TMEM123: variants seen among roughly 807,000 people sequenced by gnomAD.
TMEM123 encodes porimin.
In TMEM123, 16 loss-of-function variants were observed where a neutral mutation model predicts 19.7. The observed-to-expected ratio is 0.81, with a 90% CI of 0.55 to 1.23. The LOEUF (loss-of-function observed/expected upper bound fraction) is 1.23, where lower values mean the gene tolerates loss of function less well. Among genes scored for constraint, TMEM123 ranks in the 50% most tolerant of loss-of-function variants. The pLI is 0.00. For missense variants in TMEM123, 313 were observed against 257.8 expected (o/e 1.21, Z -1.47); for synonymous variants, 118 against 99.4 (o/e 1.19, Z -1.12).
At chr11:102,450,944 T>C (rs75093003) in intron 1 of TMEM123, among the ~76,000 whole-genome samples, 6,815 of 152,342 alleles carry the variant, frequency 0.045, 214 homozygotes, top group Non-Finnish European at 0.073. Flanking sequence ...TTACTAGCTT[T>C]TTTGAGAAAT....
At position 102,426,404 on chromosome 11, in the gene TMEM123, G is replaced by C. The variant is rs539501794; in HGVS notation, c.157+22408C>G. ...TAATAGAAGGGAGCCGATGCAGACA[G>C]CACTTTTACGCCCGCATCACAATTC... On this transcript the variant is annotated intron_variant, in intron 2 of 4. Transcript: ENST00000398136. Among the ~76,000 whole-genome samples the C allele has an allele frequency of 4.6e-5, 7 of 151,766 alleles. No individual in the cohort carries two copies. In the South Asian group the frequency reaches 1.2e-3, roughly 27 times the overall value.
intron 2 of TMEM123, among the ~76,000 whole-genome samples, chr11:102,404,790 G>A (rs1052378771): frequency 3.9e-5 from 6 of 151,922 alleles, no homozygotes; most frequent in African/African-American, 1.5e-4. Flanking sequence ...AGTAGAGACG[G>A]GGTTTTGCCA....
intron 2 of TMEM123, among the ~76,000 whole-genome samples, chr11:102,403,449 C>G (rs146591140): frequency 1.3e-5 from 2 of 152,162 alleles, no homozygotes; most frequent in Admixed American, 1.3e-4. Context: ...CTTTTTAACA[C>G]GACAATTTAA....
chr11:102,421,195 C>T (rs1022332543), intron 2 of TMEM123, among the ~76,000 whole-genome samples: 1 of 152,138 alleles, frequency 6.6e-6, no homozygotes, highest in Non-Finnish European at 1.5e-5. Context: ...TTCTATAAAC[C>T]TGCATACAAG....
At chr11:102,444,003 C>T (rs577504645) in intron 2 of TMEM123, among the ~76,000 whole-genome samples, 2 of 152,348 alleles carry the variant, frequency 1.3e-5, no homozygotes, top group South Asian at 4.1e-4. Context: ...GAGATACCAT[C>T]TCACAGCAGT....
At chr11:102,409,046 CT>C in intron 2 of TMEM123, among the ~76,000 whole-genome samples, 1 of 152,118 alleles carries the variant, frequency 6.6e-6, no homozygotes. Context: ...TAATATTATT[CT>C]CCTTTAACCT....
chr11:102,412,547 A>G (rs1048935076), intron 2 of TMEM123, among the ~76,000 whole-genome samples: 5 of 152,234 alleles, frequency 3.3e-5, no homozygotes, highest in Non-Finnish European at 7.3e-5. Flanking sequence ...AAAAGTATTG[A>G]AAGTAAGAGT....
At position 102,452,389 on chromosome 11, in the gene TMEM123, T is replaced by TC. The variant is rs1448152222; in HGVS notation, c.100+134dup. On this transcript the variant is annotated intron_variant, in intron 1 of 4. Transcript: ENST00000398136. ...CCTCAGTTTCCCCCACCCCGCCCGG[T>TC]CACCTCTGGGTCCGCCCCGAGCGTT... The TC allele has an allele frequency of 5.0e-5, 35 of 694,212 alleles. No individual in the cohort carries two copies. In the African/African-American group the frequency reaches 5.4e-4, roughly 11 times the overall value. 43.0% of individuals were successfully genotyped at this position (694,212 alleles called of 1,614,324 possible). A position where few individuals can be genotyped will look rare whatever the true frequency, so the allele number is the denominator to read the frequency against.
intron 2 of TMEM123, among the ~76,000 whole-genome samples, chr11:102,412,726 G>A (rs1036971248): frequency 6.6e-6 from 1 of 152,050 alleles, no homozygotes; most frequent in African/African-American, 2.4e-5. Context: ...TCATATACAA[G>A]ATGAGAAATA....
Position 102,398,880 on chromosome 11 carries a change from T to C in TMEM123, c.614A>G (p.Asp205Gly). The C allele has an allele frequency of 6.2e-7, 1 of 1,611,524 alleles. No individual in the cohort carries two copies. Among genetic ancestry groups the C allele is most frequent in the African/African-American group, 1.3e-5 (1 of 74,952 alleles). The change falls in exon 5 of 5, where the codon GAT becomes GGT. Residue 205 changes from aspartate (D) to glycine (G), a missense_variant. Asp to Gly is a moderately conservative substitution (Grantham distance 94). Transcript: ENST00000398136. Reference sequence around the variant, plus strand: ...CCATGGATTTCCTTAAATGATGGCATCATGTTCATCTCTGTAATATATTAA... The same window carrying C: ...CCATGGATTTCCTTAAATGATGGCACCATGTTCATCTCTGTAATATATTAA... ...GIRYRTIDEH[D>G]AII
intron 2 of TMEM123, among the ~76,000 whole-genome samples, chr11:102,435,063 G>A (rs1306738417): frequency 6.6e-6 from 1 of 151,812 alleles, no homozygotes; most frequent in African/African-American, 2.4e-5. Flanking sequence ...CAACGGGCTG[G>A]GCACAGTGGC....
At chr11:102,439,384 G>A (rs1213569313) in intron 2 of TMEM123, among the ~76,000 whole-genome samples, 1 of 151,870 alleles carries the variant, frequency 6.6e-6, no homozygotes, top group Admixed American at 6.6e-5. Flanking sequence ...TTGCTGTTCT[G>A]CAATATTTTC....
intron 2 of TMEM123, among the ~76,000 whole-genome samples, chr11:102,447,104 A>G (rs1345211190): frequency 6.6e-6 from 1 of 152,210 alleles, no homozygotes; most frequent in Non-Finnish European, 1.5e-5. Context: ...GTGCAAAAAC[A>G]TTTTTAATAG....
chr11:102,449,185 C>A, intron 1 of TMEM123: 1 of 281,886 alleles, frequency 3.5e-6, no homozygotes, highest in Non-Finnish European at 7.1e-6. Flanking sequence ...ACAGATGGGC[C>A]AATTTCTGCC....
At chr11:102,429,985 G>T (rs1273036684) in intron 2 of TMEM123, among the ~76,000 whole-genome samples, 1 of 152,224 alleles carries the variant, frequency 6.6e-6, no homozygotes, top group Non-Finnish European at 1.5e-5. Context: ...TGGCAAGCAT[G>T]GCCCTTCGTA....
At chr11:102,400,737 T>C (rs1265517386) in intron 4 of TMEM123, among the ~76,000 whole-genome samples, 2 of 152,216 alleles carry the variant, frequency 1.3e-5, no homozygotes, top group Admixed American at 6.5e-5. Flanking sequence ...GCTCGCCTTC[T>C]TTCTGCCATG....
In TMEM123 at chr11:102,433,458, A is replaced by G. The variant is rs943357830; in HGVS notation, c.157+15354T>C. The stretch of plus-strand genomic sequence containing the variant: ...AATTTATCCCATTTGGAACAGGTGT[A>G]TTTACCCAATGCCTGTACTCACATT... On this transcript the variant is annotated intron_variant, in intron 2 of 4. Coordinates refer to ENST00000398136, the MANE Select transcript of TMEM123 (RefSeq NM_052932.3). 5.9e-5 allele frequency among the ~76,000 whole-genome samples: 9 copies of G among 151,954 alleles called. 1 individual carries two copies. The South Asian group carries it at 8.3e-4, about 14-fold the overall frequency.
In TMEM123 at chr11:102,396,859, A is replaced by G. The variant is rs530429441; in HGVS notation, c.*2008T>C. The G allele has an allele frequency of 1.2e-4, 18 of 152,346 alleles. No homozygotes were observed. Among genetic ancestry groups the G allele is most frequent in the Admixed American group, 4.6e-4 (7 of 15,314 alleles). The allele number at this position is 152,346 out of a possible 1,614,324, so 9.4% of individuals were successfully genotyped here. A position where few individuals can be genotyped will look rare whatever the true frequency, so the allele number is the denominator to read the frequency against. The stretch of plus-strand genomic sequence containing the variant: ...TTAGTACTTAAAAAGTGGTTTTTCT[A>G]TCTTCAAAGTGCTAAAGAAACAAGT... On this transcript the variant is annotated 3_prime_UTR_variant, in exon 5 of 5. Transcript: ENST00000398136.
Position 102,438,767 on chromosome 11 carries a change from C to T in TMEM123, c.157+10045G>A, listed in dbSNP as rs1022120067. Reference sequence around the variant, plus strand: ...CGGACAGTGGCTGCAGCCCACAGAGCGTAAGCCGAAGCAGGGCAGGGCACT... The same window carrying T: ...CGGACAGTGGCTGCAGCCCACAGAGTGTAAGCCGAAGCAGGGCAGGGCACT... On this transcript the variant is annotated intron_variant, in intron 2 of 4. Transcript: ENST00000398136. Among the ~76,000 whole-genome samples the T allele has an allele frequency of 3.9e-5, 6 of 152,170 alleles. No homozygotes were observed. In the South Asian group the frequency reaches 8.3e-4, roughly 21 times the overall value.
Sources: allele counts gnomAD v4.1 joint callset (sites outside exome capture counted in the v4.1 genomes callset), GRCh38; gene constraint gnomAD v4.1.1; transcripts MANE v1.5; gene names NCBI Gene and HGNC (gene_info 2026-07-23, HGNC 2026-07-21).